The following MTUS1 variants were observed in gnomAD, a reference collection of about 807,000 sequenced individuals.
MTUS1 encodes the protein microtubule-associated tumor suppressor 1.
Under a neutral mutation model 120.8 loss-of-function variants are expected in MTUS1, and 109 were observed. The ratio of observed to expected loss-of-function variants is 0.90; its 90% confidence interval spans 0.77 to 1.06. The LOEUF (loss-of-function observed/expected upper bound fraction) is 1.06. MTUS1 is among the 50% of genes least tolerant of loss of function. MTUS1 has a pLI of 0.00. For synonymous variants in MTUS1, 737 were observed against 550.5 expected, an observed-to-expected ratio of 1.34 and a Z score of -4.74; for missense variants, 2,210 against 1,486.3, an observed-to-expected ratio of 1.49 and a Z score of -8.01.
intron 1 of MTUS1, among the ~76,000 whole-genome samples, chr8:17,797,330 T>C (rs1186960759): frequency 6.6e-6 from 1 of 152,182 alleles, no homozygotes; most frequent in Non-Finnish European, 1.5e-5. Flanking sequence ...GGAGGATAGC[T>C]TGAGCCTGGG....
intron 4 of MTUS1, among the ~76,000 whole-genome samples, chr8:17,720,360 A>G (rs1417033899): frequency 1.3e-5 from 2 of 151,102 alleles, no homozygotes; most frequent in African/African-American, 4.8e-5. Context: ...AAAAAAAAAC[A>G]AAAAACAAAA....
At chr8:17,717,388 T>C (rs776580845) in intron 4 of MTUS1, among the ~76,000 whole-genome samples, 5 of 152,224 alleles carry the variant, frequency 3.3e-5, no homozygotes, top group African/African-American at 7.2e-5. Flanking sequence ...TAGATGTTCA[T>C]AGAAAATGGA....
At chr8:17,660,546 AC>A (rs1809452744) in intron 8 of MTUS1, among the ~76,000 whole-genome samples, 1 of 152,060 alleles carries the variant, frequency 6.6e-6, no homozygotes, top group Non-Finnish European at 1.5e-5. Flanking sequence ...TGGTGTATAT[AC>A]CCAGAAGGAA....
chr8:17,762,829 A>T (rs1419626035), intron 1 of MTUS1, among the ~76,000 whole-genome samples: 1 of 152,138 alleles, frequency 6.6e-6, no homozygotes, highest in Non-Finnish European at 1.5e-5. Context: ...ATGGGGCCTG[A>T]GATTCTGCAT....
intron 6 of MTUS1, among the ~76,000 whole-genome samples, chr8:17,701,640 C>T (rs553854206): frequency 3.4e-4 from 52 of 152,216 alleles, no homozygotes; most frequent in Non-Finnish European, 4.4e-4. Context: ...CTCCACCTCT[C>T]GGGTTCAAGT....
chr8:17,656,211 A>G, intron 8 of MTUS1, 146 bp from the exon 9 acceptor site: 1 of 726,834 alleles, frequency 1.4e-6, no homozygotes, highest in East Asian at 2.7e-5. Flanking sequence ...TTCAAATATA[A>G]CAGTATGGAA....
At chr8:17,662,516 T>C (rs1359787469) in intron 8 of MTUS1, among the ~76,000 whole-genome samples, 1 of 151,668 alleles carries the variant, frequency 6.6e-6, no homozygotes, top group Non-Finnish European at 1.5e-5. Flanking sequence ...CCACCACACT[T>C]GGCTAATTTT....
At chr8:17,769,569 G>T (rs559070798) in intron 1 of MTUS1, among the ~76,000 whole-genome samples, 1 of 151,596 alleles carries the variant, frequency 6.6e-6, no homozygotes, top group East Asian at 1.9e-4. Context: ...GGATGGTCTC[G>T]ATCTCCTGAC....
chr8:17,681,968 G>T (rs1257924111), intron 7 of MTUS1, among the ~76,000 whole-genome samples: 1 of 152,062 alleles, frequency 6.6e-6, no homozygotes, highest in African/African-American at 2.4e-5. Context: ...TACATCCTTT[G>T]TTTTCATTCT....
At chr8:17,774,559 C>G (rs1390853091) in intron 1 of MTUS1, among the ~76,000 whole-genome samples, 1 of 152,104 alleles carries the variant, frequency 6.6e-6, no homozygotes, top group Non-Finnish European at 1.5e-5. Context: ...AATCAGATAC[C>G]ACTTCATACT....
intron 1 of MTUS1, among the ~76,000 whole-genome samples, chr8:17,788,055 A>G (rs2051453125): frequency 6.6e-6 from 1 of 152,128 alleles, no homozygotes; most frequent in African/African-American, 2.4e-5. Flanking sequence ...CAGGAGGCAG[A>G]GGTTGCAGTG....
chr8:17,719,805 A>T (rs568517851), intron 4 of MTUS1, among the ~76,000 whole-genome samples: 1 of 152,316 alleles, frequency 6.6e-6, no homozygotes, highest in African/African-American at 2.4e-5. Context: ...AAAACAAAAA[A>T]CAAAAAACTA....
intron 8 of MTUS1, among the ~76,000 whole-genome samples, chr8:17,663,163 TG>T (rs1248069004): frequency 6.6e-6 from 1 of 152,218 alleles, no homozygotes; most frequent in Non-Finnish European, 1.5e-5. Flanking sequence ...ACATAATCTC[TG>T]GAAAACAGAG....
At chr8:17,652,281 T>G (rs1170778716) in intron 12 of MTUS1, among the ~76,000 whole-genome samples, 1 of 152,192 alleles carries the variant, frequency 6.6e-6, no homozygotes, top group Non-Finnish European at 1.5e-5. Context: ...TTGACATTTA[T>G]CCATACGGCG....
intron 1 of MTUS1, among the ~76,000 whole-genome samples, chr8:17,784,866 C>A (rs1018264873): frequency 1.3e-5 from 2 of 151,744 alleles, no homozygotes; most frequent in African/African-American, 4.8e-5. Context: ...CTCACTGCAA[C>A]CTCCGCCTCC....
chr8:17,786,056 C>A (rs956691441), intron 1 of MTUS1, among the ~76,000 whole-genome samples: 1 of 152,212 alleles, frequency 6.6e-6, no homozygotes, highest in African/African-American at 2.4e-5. Flanking sequence ...CAGAGGATCA[C>A]TTCAGCCCAG....
intron 8 of MTUS1, among the ~76,000 whole-genome samples, chr8:17,666,921 G>A (rs1811040010): frequency 6.6e-6 from 1 of 152,176 alleles, no homozygotes; most frequent in South Asian, 2.1e-4. Flanking sequence ...AGCCAACCAA[G>A]TCAGAAGCAA....
chr8:17,673,153 G>T (rs1304956938), intron 8 of MTUS1, among the ~76,000 whole-genome samples: 10 of 152,158 alleles, frequency 6.6e-5, no homozygotes, highest in African/African-American at 2.2e-4. Flanking sequence ...AAGCAAGTTG[G>T]GTTGGTCATT....
intron 8 of MTUS1, among the ~76,000 whole-genome samples, chr8:17,667,797 C>G (rs1811212576): frequency 6.6e-6 from 1 of 152,182 alleles, no homozygotes; most frequent in Non-Finnish European, 1.5e-5. Flanking sequence ...TGGGAAGTTA[C>G]TTAACCTCTG....
Sources: allele counts gnomAD v4.1 joint callset (sites outside exome capture counted in the v4.1 genomes callset), GRCh38; gene constraint gnomAD v4.1.1; transcripts MANE v1.5; gene names NCBI Gene and HGNC (gene_info 2026-07-23, HGNC 2026-07-21).